The following GPHN variants were observed in gnomAD, a reference collection of about 807,000 sequenced individuals.
GPHN encodes the protein gephyrin.
In GPHN, 17 loss-of-function variants were observed where a neutral mutation model predicts 95.5. That is an observed-to-expected ratio of 0.18 (90% CI 0.12 to 0.27). The LOEUF is 0.27. Among genes scored for constraint, GPHN ranks in the 10% least tolerant of loss-of-function variants. The pLI, the probability that GPHN is intolerant of heterozygous loss-of-function variation, is 1.00. For synonymous variants in GPHN, 320 were observed against 322.5 expected, an observed-to-expected ratio of 0.99 and a Z score of 0.08; for missense variants, 660 against 978.1, an observed-to-expected ratio of 0.67 and a Z score of 4.34.
the GPHN span, among the ~76,000 whole-genome samples, chr14:67,351,480 T>C: frequency 6.6e-6 from 1 of 152,232 alleles, no homozygotes; most frequent in Non-Finnish European, 1.5e-5. Flanking sequence ...ACCAACAGAT[T>C]TGACCAAAGG....
the GPHN span, among the ~76,000 whole-genome samples, chr14:67,501,535 A>T: frequency 2.0e-5 from 3 of 151,906 alleles, no homozygotes; most frequent in Non-Finnish European, 4.4e-5. Context: ...CAGCCAAGAT[A>T]AATGATATTT....
intron 1 of GPHN, among the ~76,000 whole-genome samples, chr14:66,565,632 C>T (rs144928292): frequency 0.013 from 2,025 of 152,106 alleles, 21 homozygotes; most frequent in Middle Eastern, 0.02. Flanking sequence ...ATTTACTGAC[C>T]ACATGTGGTT....
chr14:66,850,906 A>T lies in GPHN; in HGVS notation c.294+26340A>T, dbSNP rs180796999. On this transcript the variant is annotated intron_variant, in intron 4 of 22. Coordinates refer to ENST00000478722, the MANE Select transcript of GPHN (RefSeq NM_020806.5). ...ATAATTTAAATGATAATGAGATTTT[A>T]AAAATGATATGATATTAACATATAA... 9.6e-3 allele frequency among the ~76,000 whole-genome samples: 1,464 copies of T among 152,252 alleles called. 28 individuals are homozygous for T. Among genetic ancestry groups the T allele is most frequent in the African/African-American group, 0.033 (1,387 of 41,558 alleles).
At chr14:67,537,382 A>AATAATAATAATAAT in the GPHN span, among the ~76,000 whole-genome samples, 4 of 93,446 alleles carry the variant, frequency 4.3e-5, no homozygotes, top group African/African-American at 1.7e-4. Flanking sequence ...ATAATAATAA[A>AATAATAATAATAAT]AACTTAATCT....
At chr14:66,778,585 T>C (rs1038892087) in intron 3 of GPHN, among the ~76,000 whole-genome samples, 7 of 152,122 alleles carry the variant, frequency 4.6e-5, no homozygotes, top group African/African-American at 1.4e-4. Context: ...TTGTTAACAA[T>C]GACATGTAAA....
At chr14:67,243,081 T>G in the GPHN span, among the ~76,000 whole-genome samples, 5 of 152,346 alleles carry the variant, frequency 3.3e-5, no homozygotes, top group South Asian at 1.0e-3. Flanking sequence ...TTGATCAATT[T>G]TATATATTAT....
chr14:67,084,831 A>C (rs1421814660), intron 11 of GPHN, among the ~76,000 whole-genome samples: 1 of 152,246 alleles, frequency 6.6e-6, no homozygotes, highest in African/African-American at 2.4e-5. Flanking sequence ...CTTCCTGTCC[A>C]ATGCAACATG....
the GPHN span, among the ~76,000 whole-genome samples, chr14:67,502,682 C>T: frequency 6.6e-6 from 1 of 151,972 alleles, no homozygotes; most frequent in Non-Finnish European, 1.5e-5. Flanking sequence ...AAACTCCCGA[C>T]CTCAGGTGAT....
chr14:67,061,540 G>A (rs904728132), intron 11 of GPHN, among the ~76,000 whole-genome samples: 6 of 152,060 alleles, frequency 3.9e-5, no homozygotes, highest in Non-Finnish European at 7.4e-5. Flanking sequence ...AACATGTCAT[G>A]AAAGGCCCTT....
the GPHN span, among the ~76,000 whole-genome samples, chr14:67,566,393 G>A: frequency 1.3e-5 from 2 of 152,192 alleles, no homozygotes; most frequent in Non-Finnish European, 2.9e-5. Flanking sequence ...CTACCAGAGA[G>A]AAGCGTTGCT....
intron 4 of GPHN, among the ~76,000 whole-genome samples, chr14:66,875,929 C>G (rs1013692489): frequency 1.3e-5 from 2 of 152,122 alleles, no homozygotes; most frequent in East Asian, 3.9e-4. Flanking sequence ...GAACTCTCCA[C>G]CCCAAATCAA....
At chr14:67,578,696 A>G in the GPHN span, 1 of 1,041,684 alleles carries the variant, frequency 9.6e-7, no homozygotes, top group Non-Finnish European at 1.5e-6. This position sits in a 1 kb window ranked among gnomAD's most constrained non-coding sequence, Gnocchi z 5.0. Flanking sequence ...AATAAGAGGG[A>G]TGAGAGGAGT....
At chr14:67,562,612 G>C in the GPHN span, 12 of 1,612,822 alleles carry the variant, frequency 7.4e-6, no homozygotes, top group African/African-American at 1.3e-4. Flanking sequence ...GCATCCAGTT[G>C]GCCAAAAGGC....
At chr14:66,654,773 A>G (rs1210004139) in intron 1 of GPHN, among the ~76,000 whole-genome samples, 2 of 152,170 alleles carry the variant, frequency 1.3e-5, no homozygotes, top group African/African-American at 4.8e-5. Flanking sequence ...TAAAACTTTT[A>G]TAGTTTTACA....
chr14:67,679,135 G>A, the GPHN span, among the ~76,000 whole-genome samples: 2 of 152,168 alleles, frequency 1.3e-5, no homozygotes, highest in Non-Finnish European at 2.9e-5. Context: ...TAACAAGATG[G>A]AAGGCATGAC....
At chr14:67,477,799 C>T in the GPHN span, among the ~76,000 whole-genome samples, 1 of 152,194 alleles carries the variant, frequency 6.6e-6, no homozygotes, top group Non-Finnish European at 1.5e-5. Flanking sequence ...AACCCATTAT[C>T]TTTTCCCCAA....
At chr14:67,586,978 G>T in the GPHN span, 4 of 1,535,002 alleles carry the variant, frequency 2.6e-6, no homozygotes, top group Non-Finnish European at 3.5e-6. Flanking sequence ...TAAATAAACT[G>T]AGGCCCAGGA....
At chr14:67,540,343 C>T in the GPHN span, among the ~76,000 whole-genome samples, 149 of 152,134 alleles carry the variant, frequency 9.8e-4, no homozygotes, top group Non-Finnish European at 1.6e-3. Flanking sequence ...AAAATATTAT[C>T]GGCCGGGTAC....
At chr14:67,245,589 T>G in the GPHN span, among the ~76,000 whole-genome samples, 1 of 152,070 alleles carries the variant, frequency 6.6e-6, no homozygotes, top group Non-Finnish European at 1.5e-5. Flanking sequence ...TGGGCTCAAG[T>G]GATTCTCCTG....
Sources: gnomAD v4.1 joint callset for allele counts (sites outside exome capture counted in the v4.1 genomes callset) on GRCh38, gnomAD v4.1.1 for gene constraint, Gnocchi (gnomAD v3.1) non-coding constraint, MANE v1.5 for transcripts, NCBI Gene and HGNC (gene_info 2026-07-23, HGNC 2026-07-21) for gene names.